The following PPM1L variants were observed in gnomAD, a reference collection of about 807,000 sequenced individuals.
PPM1L encodes the protein protein phosphatase, Mg2+/Mn2+ dependent 1L.
Under a neutral mutation model 31.4 loss-of-function variants are expected in PPM1L, and 13 were observed. The observed-to-expected ratio is 0.41, with a 90% CI of 0.27 to 0.66. The LOEUF is 0.66. Ranked by LOEUF, PPM1L falls within the 30% of genes least tolerant of loss-of-function variation. PPM1L has a pLI of 0.29. For synonymous variants in PPM1L, 184 were observed against 175.4 expected (o/e 1.05, Z -0.39); for missense variants, 326 against 453.7 (o/e 0.72, Z 2.56).
intron 2 of PPM1L, among the ~76,000 whole-genome samples, chr3:161,032,468 A>G (rs111564309): frequency 4.6e-5 from 7 of 152,178 alleles, no homozygotes; most frequent in African/African-American, 1.7e-4. Context: ...CTGAAATCCC[A>G]CCATTGAGGA....
At chr3:160,837,616 C>T (rs1713759027) in intron 1 of PPM1L, among the ~76,000 whole-genome samples, 1 of 152,194 alleles carries the variant, frequency 6.6e-6, no homozygotes, top group African/African-American at 2.4e-5. Context: ...GGAAGGCCAG[C>T]CTTTGTGTCT....
chr3:160,840,906 G>A (rs1034192220), intron 1 of PPM1L, among the ~76,000 whole-genome samples: 1 of 152,154 alleles, frequency 6.6e-6, no homozygotes, highest in Non-Finnish European at 1.5e-5. Context: ...TTTGGGTGAC[G>A]GAGGATCTTC....
chr3:160,984,171 A>C (rs182235325), intron 2 of PPM1L, among the ~76,000 whole-genome samples: 360 of 152,320 alleles, frequency 2.4e-3, no homozygotes, highest in African/African-American at 8.4e-3. Context: ...GGCATGTTTC[A>C]TCCCTATCTA....
chr3:160,855,759 G>A (rs1270612046), intron 1 of PPM1L, among the ~76,000 whole-genome samples: 1 of 152,154 alleles, frequency 6.6e-6, no homozygotes, highest in Non-Finnish European at 1.5e-5. Context: ...ATACACTGCT[G>A]GAGGGAACGT....
At chr3:160,896,984 C>T (rs1017728476) in intron 1 of PPM1L, among the ~76,000 whole-genome samples, 2 of 150,698 alleles carry the variant, frequency 1.3e-5, no homozygotes, top group African/African-American at 4.9e-5. Context: ...CCTCTTACAG[C>T]TATAGTGATT....
intron 1 of PPM1L, among the ~76,000 whole-genome samples, chr3:160,777,107 G>C (rs1264254465): frequency 2.0e-5 from 3 of 151,916 alleles, no homozygotes; most frequent in Admixed American, 1.3e-4. Context: ...AGGATTGCTT[G>C]AAGCCAGGAG....
chr3:160,915,731 A>G (rs1714148177), intron 1 of PPM1L, among the ~76,000 whole-genome samples: 2 of 152,230 alleles, frequency 1.3e-5, no homozygotes, highest in African/African-American at 4.8e-5. Flanking sequence ...ATGGAACAGA[A>G]CAGAGCCCTC....
intron 1 of PPM1L, among the ~76,000 whole-genome samples, chr3:160,929,260 T>A (rs1024034376): frequency 3.3e-5 from 5 of 152,206 alleles, no homozygotes; most frequent in African/African-American, 1.2e-4. Context: ...TTTCTCTTAA[T>A]TTTAAGTAAT....
chr3:161,046,460 C>A (rs1284686834), intron 2 of PPM1L, among the ~76,000 whole-genome samples: 1 of 151,850 alleles, frequency 6.6e-6, no homozygotes, highest in Admixed American at 6.6e-5. Context: ...GCCTACCAAC[C>A]AAAAAAAGTC....
intron 1 of PPM1L, among the ~76,000 whole-genome samples, chr3:160,804,382 C>A (rs1290548671): frequency 6.6e-6 from 1 of 152,142 alleles, no homozygotes; most frequent in Non-Finnish European, 1.5e-5. Context: ...GTCAGAATGC[C>A]TCAGAGAATC....
chr3:160,979,951 G>T (rs1716740443), intron 2 of PPM1L, among the ~76,000 whole-genome samples: 1 of 152,068 alleles, frequency 6.6e-6, no homozygotes, highest in Non-Finnish European at 1.5e-5. Context: ...CAAGGTCAGA[G>T]AAGGTCAATA....
At chr3:160,883,211 G>A (rs909111339) in intron 1 of PPM1L, among the ~76,000 whole-genome samples, 2 of 152,004 alleles carry the variant, frequency 1.3e-5, no homozygotes, top group Non-Finnish European at 2.9e-5. Context: ...TTGTTGTTAT[G>A]CATGTATTAT....
chr3:160,935,802 G>C (rs1714951447), intron 1 of PPM1L, among the ~76,000 whole-genome samples: 1 of 152,194 alleles, frequency 6.6e-6, no homozygotes, highest in South Asian at 2.1e-4. Context: ...TTTAAAGAAT[G>C]CATTTTCCTT....
chr3:161,022,394 TAAC>T (rs1298331424), intron 2 of PPM1L: 1 of 374,936 alleles, frequency 2.7e-6, no homozygotes, highest in Non-Finnish European at 4.7e-6. Context: ...AGAAAAAAGT[TAAC>T]AAATAAGATC....
At chr3:160,938,164 A>G (rs1479736859) in intron 1 of PPM1L, among the ~76,000 whole-genome samples, 1 of 152,174 alleles carries the variant, frequency 6.6e-6, no homozygotes, top group Non-Finnish European at 1.5e-5. Context: ...AATTGCTATT[A>G]TTTAATAAAT....
chr3:160,891,131 T>TGC (rs1396244591), intron 1 of PPM1L, among the ~76,000 whole-genome samples: 5 of 152,134 alleles, frequency 3.3e-5, no homozygotes, highest in African/African-American at 1.2e-4. Context: ...AAATGTGATC[T>TGC]AATTAAACTA....
chr3:160,903,990 T>A (rs1713657240), intron 1 of PPM1L, among the ~76,000 whole-genome samples: 2 of 152,198 alleles, frequency 1.3e-5, no homozygotes, highest in South Asian at 4.1e-4. Context: ...GGACCTTGTT[T>A]CCATTTTTGC....
At chr3:160,920,341 A>T (rs566948257) in intron 1 of PPM1L, among the ~76,000 whole-genome samples, 5 of 151,940 alleles carry the variant, frequency 3.3e-5, no homozygotes, top group African/African-American at 4.8e-5. Flanking sequence ...TCTCCTCCCC[A>T]GGCTCCCAGT....
intron 2 of PPM1L, among the ~76,000 whole-genome samples, chr3:160,996,736 A>G (rs1717338567): frequency 1.3e-5 from 2 of 152,180 alleles, no homozygotes; most frequent in South Asian, 2.1e-4. Context: ...AATCACCACT[A>G]AAGAACTTAA....
Sources: gnomAD v4.1 joint callset for allele counts (sites outside exome capture counted in the v4.1 genomes callset) on GRCh38, gnomAD v4.1.1 for gene constraint, MANE v1.5 for transcripts, NCBI Gene and HGNC (gene_info 2026-07-23, HGNC 2026-07-21) for gene names.